Variants in DOCK8 observed in about 807,000 individuals in gnomAD.
DOCK8 encodes dedicator of cytokinesis 8, also known as dedicator of cytokinesis protein 8.
Under a neutral mutation model 245.6 loss-of-function variants are expected in DOCK8, and 141 were observed. The observed-to-expected ratio is 0.57, with a 90% CI of 0.50 to 0.66. The LOEUF is 0.66. Ranked by LOEUF, DOCK8 falls within the 30% of genes least tolerant of loss-of-function variation. DOCK8 has a pLI of 0.00. For missense variants in DOCK8, 2,965 were observed against 2,603.4 expected (o/e 1.14, Z -3.02); for synonymous variants, 1,168 against 970.2 (o/e 1.20, Z -3.79).
At chr9:409,791 C>T (rs13294881) in intron 28 of DOCK8, among the ~76,000 whole-genome samples, 5 of 151,460 alleles carry the variant, frequency 3.3e-5, no homozygotes, top group Non-Finnish European at 5.9e-5. Context: ...TGAGAACATG[C>T]GGTGTTTGGT....
At chr9:403,463 T>G (rs2055207739) in intron 26 of DOCK8, among the ~76,000 whole-genome samples, 1 of 152,214 alleles carries the variant, frequency 6.6e-6, no homozygotes, top group African/African-American at 2.4e-5. Flanking sequence ...GTTTTGGTTT[T>G]AAAATAATAT....
intron 1 of DOCK8, among the ~76,000 whole-genome samples, chr9:219,118 C>G (rs1410908382): frequency 6.6e-6 from 1 of 152,174 alleles, no homozygotes; most frequent in Non-Finnish European, 1.5e-5. Flanking sequence ...TAATTATTTA[C>G]TATGTGCTAC....
chr9:369,944 C>T (rs370303945), intron 15 of DOCK8: 14 of 436,372 alleles, frequency 3.2e-5, no homozygotes, highest in African/African-American at 1.2e-4. Context: ...AGGGACTATA[C>T]GCATGTGCCA....
intron 28 of DOCK8, among the ~76,000 whole-genome samples, chr9:412,455 T>G (rs2055785018): frequency 6.6e-6 from 1 of 150,694 alleles, no homozygotes; most frequent in Non-Finnish European, 1.5e-5. Context: ...GCATTTAAAT[T>G]GGAAAAGAAG....
intron 1 of DOCK8, chr9:268,018 C>G (rs1253442701): frequency 2.0e-5 from 3 of 152,162 alleles, no homozygotes; most frequent in African/African-American, 7.2e-5. Context: ...AATATACAAC[C>G]CCACCAGGGG....
chr9:390,595 C>T (rs2054149129), intron 24 of DOCK8, 29 bp downstream of exon 24: 1 of 1,593,968 alleles, frequency 6.3e-7, no homozygotes, highest in Non-Finnish European at 8.6e-7. Context: ...TGTATCTGTG[C>T]TCAATAGGCC....
At position 368,497 on chromosome 9, in the gene DOCK8, T is replaced by C. The variant is rs1221576063; in HGVS notation, c.1797+362T>C. On this transcript the variant is annotated intron_variant, in intron 15 of 47. Transcript: ENST00000432829. ...TGCTGAGTGTCTTCCATGCACAAAC[T>C]GTACACACTGTGTTATACACACACA... is the stretch of plus-strand genomic sequence containing the variant. 8 of 586,080 alleles carry C rather than the reference T, an allele frequency of 1.4e-5. No homozygotes were observed. The East Asian group carries it at 2.3e-4, about 17-fold the overall frequency. 36.3% of individuals were successfully genotyped at this position (586,080 alleles called of 1,614,324 possible).
rs370257544 is a variant in DOCK8 at position 371,459 on chromosome 9, A to C, written c.1900A>C (p.Lys634Gln). 1 of 1,614,066 alleles carries C rather than the reference A, an allele frequency of 6.2e-7. No individual in the cohort carries two copies. Among genetic ancestry groups the C allele is most frequent in the African/African-American group, 1.3e-5 (1 of 74,928 alleles). Residue 634 changes from lysine to glutamine, a missense_variant, in exon 17 of 48, where the codon AAG becomes CAG. Lys to Gln is a moderately conservative substitution (Grantham distance 53, BLOSUM62 1). Coordinates refer to ENST00000432829, the MANE Select transcript of DOCK8 (RefSeq NM_203447.4). ...SPDFYEEVKI[K>Q]LPAKLTVNHH... is the part of the protein sequence containing the mutation. ...TGACTTTTATGAAGAAGTGAAAATT[A>C]AGCTCCCCGCTAAGCTCACAGTAAA...
intron 1 of DOCK8, among the ~76,000 whole-genome samples, chr9:241,025 A>G (rs970236788): frequency 6.6e-6 from 1 of 152,224 alleles, no homozygotes; most frequent in Non-Finnish European, 1.5e-5. Flanking sequence ...AGAAAAGGGA[A>G]AATGATTTGT....
At position 258,993 on chromosome 9, in the gene DOCK8, A is replaced by G. The variant is rs370785661; in HGVS notation, c.54-12634A>G. Among the ~76,000 whole-genome samples the G allele has an allele frequency of 4.8e-5, 6 of 125,472 alleles. No individual in the cohort carries two copies. In the East Asian group the frequency reaches 8.9e-4, roughly 19 times the overall value. The allele number at this position is 125,472 out of a possible 152,430, so 82.3% of individuals were successfully genotyped here. A position where few individuals can be genotyped will look rare whatever the true frequency, so the allele number is the denominator to read the frequency against. On this transcript the variant is annotated intron_variant, in intron 1 of 47. Transcript: ENST00000432829. ...AATCTATGGTAACCACAGCACAAAC[A>G]TTTTAGAAAAAGAAAAAAAAAAACA... is the stretch of plus-strand genomic sequence containing the variant.
intron 5 of DOCK8, among the ~76,000 whole-genome samples, chr9:310,970 G>C (rs10969557): frequency 0.49 from 74,466 of 151,886 alleles, 19,281 homozygotes; most frequent in East Asian, 0.76. Context: ...GATCATATTA[G>C]ATAGCAGCCA....
At chr9:421,990 G>C (rs559230623) in intron 32 of DOCK8, 58 bp from the exon 33 acceptor site, 29 of 1,440,078 alleles carry the variant, frequency 2.0e-5, no homozygotes, top group Non-Finnish European at 2.8e-5. Context: ...TGAACTTCTG[G>C]TTATCTTGGA....
At chr9:323,715 A>G (rs896675923) in intron 7 of DOCK8, among the ~76,000 whole-genome samples, 45 of 152,112 alleles carry the variant, frequency 3.0e-4, no homozygotes, top group African/African-American at 9.7e-4. Flanking sequence ...TTCTGCCTCT[A>G]TGAATTTTAC....
chr9:211,722 T>C (rs1037139419), upstream of DOCK8, among the ~76,000 whole-genome samples: 2 of 152,086 alleles, frequency 1.3e-5, no homozygotes, highest in African/African-American at 2.4e-5. Context: ...GGCAAGCAGA[T>C]GGAGTCATTC....
chr9:433,378 G>A (rs1322911758), intron 37 of DOCK8, among the ~76,000 whole-genome samples: 1 of 152,134 alleles, frequency 6.6e-6, no homozygotes, highest in East Asian at 1.9e-4. Context: ...CCCTGTTTTT[G>A]TACTGCAGGC....
chr9:449,333 A>G (rs10974513), intron 44 of DOCK8, among the ~76,000 whole-genome samples: 93,046 of 151,696 alleles, frequency 0.61, 30,649 homozygotes, highest in East Asian at 0.99. Flanking sequence ...CTAGACAACA[A>G]GAGCAAAACT....
chr9:310,838 T>A (rs1433692668), intron 5 of DOCK8, among the ~76,000 whole-genome samples: 1 of 152,248 alleles, frequency 6.6e-6, no homozygotes. Flanking sequence ...AATTCTATGA[T>A]TGTCCCATCA....
rs139902722 is a variant in DOCK8 at position 404,486 on chromosome 9, C to T, written c.3235-432C>T. On this transcript the variant is annotated intron_variant, in intron 26 of 47. Coordinates refer to ENST00000432829, the MANE Select transcript of DOCK8 (RefSeq NM_203447.4). ...CCTTTAATTAGAAACTACGAGAGAA[C>T]ACTTGTAGTATAAAAGTCATCTAGT... Among the ~76,000 whole-genome samples the T allele has an allele frequency of 5.2e-3, 786 of 152,250 alleles. 21 individuals are homozygous for T. The highest frequency in any genetic ancestry group is 2.5e-3 in the East Asian group (13 of 5,182).
intron 24 of DOCK8, among the ~76,000 whole-genome samples, chr9:393,871 A>G (rs907156948): frequency 6.6e-6 from 1 of 152,184 alleles, no homozygotes; most frequent in Non-Finnish European, 1.5e-5. Context: ...TCTGCTCAGC[A>G]TGTATGGGAG....
Sources: allele counts gnomAD v4.1 joint callset (sites outside exome capture counted in the v4.1 genomes callset), GRCh38; gene constraint gnomAD v4.1.1; transcripts MANE v1.5; gene names NCBI Gene and HGNC (gene_info 2026-07-23, HGNC 2026-07-21).